Variants in CSTF2 observed in about 807,000 individuals in gnomAD.
The protein encoded by CSTF2 is CF-1 64 kDa subunit.
In CSTF2, 8 loss-of-function variants were observed where a neutral mutation model predicts 45.4. The observed-to-expected ratio is 0.18, with a 90% CI of 0.10 to 0.32. The LOEUF is 0.32. Ranked by LOEUF, CSTF2 falls within the 10% of genes least tolerant of loss-of-function variation. The probability of loss-of-function intolerance (pLI) is 1.00; values close to 1 mark genes in which losing one functional copy is unlikely to be tolerated. For missense variants in CSTF2, 253 were observed against 477.1 expected (o/e 0.53, Z 4.38); for synonymous variants, 155 against 158.9 (o/e 0.98, Z 0.18).
In CSTF2 at chrX:100,831,628, C is replaced by T. The variant is rs2084976084; in HGVS notation, c.1003C>T (p.Leu335Phe). The T allele has an allele frequency of 3.3e-6, 4 of 1,209,493 alleles. No homozygotes were observed. The South Asian group carries it at 5.3e-5, about 16-fold the overall frequency. ...APNDPRGGTL[L>F]SVTGEVEPRG... ...GAATGATCCACGGGGAGGCACTTTA[C>T]TTTCTGTAACTGGAGAGGTAGAGCC... The change falls in exon 9 of 14, where the codon CTT (leucine) becomes TTT (phenylalanine). Residue 335 changes from leucine (L) to phenylalanine (F), a missense_variant. By Grantham distance (22) the Leu-to-Phe change is conservative. This residue lies in a region of CSTF2 where 200 missense variants were observed against 294.0 expected (regional missense o/e 0.68). Transcript: ENST00000372972.
chrX:100,822,095 G>GAA (rs58313206), intron 2 of CSTF2, among the ~76,000 whole-genome samples, 156 bp from the exon 3 acceptor site: 1,923 of 91,318 alleles, frequency 0.021, 30 homozygotes, highest in South Asian at 0.074. Context: ...TCCATCTCAG[G>GAA]AAAAAAAAAA....
At position 100,833,075 on chromosome X, in the gene CSTF2, G is replaced by T. The variant is rs748376605; in HGVS notation, c.1208-105G>T. The T allele has an allele frequency of 1.3e-4, 129 of 1,006,341 alleles. No homozygotes were observed. In the African/African-American group the frequency reaches 2.3e-3, roughly 18 times the overall value. The allele number at this position is 1,006,341 out of a possible 1,213,427, so 82.9% of individuals were successfully genotyped here. On this transcript the variant is annotated intron_variant, in intron 10 of 13. Transcript: ENST00000372972. The stretch of plus-strand genomic sequence containing the variant: ...TAGTCTCATATGTTAATAGCTGAGG[G>T]GACAAATGTGACTAGAAGAGATTTC...
In CSTF2 at chrX:100,833,333, C is replaced by T; in HGVS notation, c.1361C>T (p.Ala454Val). The T allele has an allele frequency of 8.3e-7, 1 of 1,209,661 alleles. No homozygotes were observed. Among genetic ancestry groups the T allele is most frequent in the Non-Finnish European group, 1.1e-6 (1 of 894,790 alleles). Residue 454 changes from alanine (A) to valine (V), a missense_variant, in exon 11 of 14, where the codon GCA becomes GTA. Ala to Val is a moderately conservative substitution (Grantham distance 64, BLOSUM62 0). Around this residue, in one of 3 missense-constraint regions of CSTF2, gnomAD observed 200 missense variants for 294.0 expected, o/e 0.68. Coordinates refer to ENST00000372972, the MANE Select transcript of CSTF2 (RefSeq NM_001325.3). The part of the protein sequence containing the change: ...AMEARAMEAR[A>V]MEVRGMEARG... ...GAGGCCCGAGCGATGGAGGCCCGTG[C>T]AATGGAAGTCCGAGGGATGGAGGCC...
chrX:100,830,215 G>A (rs898340615), intron 8 of CSTF2, among the ~76,000 whole-genome samples: 12 of 112,021 alleles, frequency 1.1e-4, no homozygotes, highest in African/African-American at 3.2e-4. Context: ...GACTTGCTGT[G>A]GCAGAGTATT....
Position 100,823,876 on chromosome X carries a change from A to G in CSTF2, c.445-10A>G, listed in dbSNP as rs113777015. The stretch of plus-strand genomic sequence containing the variant: ...ATAAGTATTAAACCTGAATCTGCTT[A>G]TCTTCTCAGCTCTGTGTCCAGAATA... On this transcript the variant is annotated splice_polypyrimidine_tract_variant and intron_variant, in intron 4 of 13. Transcript: ENST00000372972. 1,278 of 1,207,115 alleles carry G rather than the reference A, an allele frequency of 1.1e-3. 11 individuals are homozygous for G. The African/African-American group carries it at 0.019, about 17-fold the overall frequency.
At chrX:100,821,393 T>C in intron 1 of CSTF2, 134 bp from the exon 2 acceptor site, 1 of 472,554 alleles carries the variant, frequency 2.1e-6, no homozygotes, top group Admixed American at 3.6e-5. Flanking sequence ...TGTTAAGAGG[T>C]CTGAAGAAAT....
At chrX:100,830,724 C>A (rs2084970436) in intron 8 of CSTF2, 1 of 719,822 alleles carries the variant, frequency 1.4e-6, no homozygotes, top group Non-Finnish European at 2.1e-6. Flanking sequence ...AAATCTCAAT[C>A]TCCATGTGTG....
chrX:100,838,416 G>GGTATATAC, intron 13 of CSTF2, 52 bp downstream of exon 13: 1 of 1,084,075 alleles, frequency 9.2e-7, no homozygotes, highest in East Asian at 3.2e-5. Flanking sequence ...GTCTATTCTG[G>GGTATATAC]GTATATACTT....
At chrX:100,828,662 T>G (rs2084957924) in intron 8 of CSTF2, among the ~76,000 whole-genome samples, 1 of 112,292 alleles carries the variant, frequency 8.9e-6, no homozygotes, top group South Asian at 3.7e-4. Flanking sequence ...TATACAACAG[T>G]AGCTGCTGCT....
intron 6 of CSTF2, 94 bp from the exon 7 acceptor site, chrX:100,826,540 G>A: frequency 1.2e-6 from 1 of 850,279 alleles, no homozygotes; most frequent in South Asian, 2.3e-5. Flanking sequence ...TGTATTTGGG[G>A]CTGTTCATTT....
Position 100,831,484 on chromosome X carries a change from A to C in CSTF2, c.890-31A>C, listed in dbSNP as rs1439663977. ...TCTTGTTTGCTTATGTGTCTTTCACAGCAGTAACTCCCCGTTTGTTTCCCT... is the reference window on the plus strand; with the variant it reads ...TCTTGTTTGCTTATGTGTCTTTCACCGCAGTAACTCCCCGTTTGTTTCCCT... On this transcript the variant is annotated intron_variant, in intron 8 of 13. Coordinates refer to ENST00000372972, the MANE Select transcript of CSTF2 (RefSeq NM_001325.3). 6 of 1,209,676 alleles carry C rather than the reference A, an allele frequency of 5.0e-6. No individual in the cohort carries two copies. In the South Asian group the frequency reaches 5.3e-5, roughly 11 times the overall value.
intron 6 of CSTF2, 140 bp from the exon 7 acceptor site, chrX:100,826,494 G>T: frequency 3.8e-6 from 2 of 521,261 alleles, no homozygotes; most frequent in Non-Finnish European, 6.3e-6. Context: ...ATCTAATGCT[G>T]CATAAGACAT....
intron 1 of CSTF2, 26 bp downstream of exon 1, chrX:100,820,500 C>T (rs1441046498): frequency 2.6e-5 from 31 of 1,195,163 alleles, no homozygotes; most frequent in Non-Finnish European, 3.3e-5. Context: ...TGTAGTCAAG[C>T]TTCGGGGAGG....
chrX:100,833,297 C>G lies in CSTF2; in HGVS notation c.1325C>G (p.Ala442Gly), dbSNP rs1337392000. ...GCAATGGAGGCCCGTGCGATGGAAG[C>G]TCGTGCAATGGAGGCCCGAGCGATG... Reference protein sequence around the residue: ...ARAMEARAMEARAMEARAMEA... With the variant: ...ARAMEARAMEGRAMEARAMEA... The change falls in exon 11 of 14, where the codon GCT becomes GGT. Residue 442 changes from alanine (A) to glycine (G), a missense_variant. Around this residue, in one of 3 missense-constraint regions of CSTF2, gnomAD observed 200 missense variants for 294.0 expected, o/e 0.68. Transcript: ENST00000372972. The G allele has an allele frequency of 2.5e-6, 3 of 1,210,209 alleles. No individual in the cohort carries two copies. The East Asian group carries it at 8.9e-5, about 36-fold the overall frequency.
Position 100,823,432 on chromosome X carries a change from G to A in CSTF2, c.444+4G>A. The A allele has an allele frequency of 8.3e-7, 1 of 1,210,791 alleles. No homozygotes were observed. The highest frequency in any genetic ancestry group is 1.1e-6 in the Non-Finnish European group (1 of 894,993). ...TGAGCTGATGAAACAAATGAAGGTG[G>A]GAGGAGGCATTAGGTTATGAATAAA... On this transcript the variant is annotated splice_donor_region_variant and intron_variant, in intron 4 of 13. Transcript: ENST00000372972.
intron 7 of CSTF2, among the ~76,000 whole-genome samples, chrX:100,827,611 G>A (rs2084952165): frequency 8.9e-6 from 1 of 112,126 alleles, no homozygotes; most frequent in Admixed American, 9.4e-5. Flanking sequence ...GATGAGGAAT[G>A]GAAGAAGAGA....
intron 13 of CSTF2, among the ~76,000 whole-genome samples, chrX:100,839,578 C>T (rs977434012): frequency 2.7e-5 from 3 of 111,485 alleles, no homozygotes; most frequent in Non-Finnish European, 5.6e-5. Context: ...TGTCTTTAAA[C>T]ATTTAAACTG....
chrX:100,825,486 T>A (rs1602366600), intron 6 of CSTF2, among the ~76,000 whole-genome samples: 1 of 111,813 alleles, frequency 8.9e-6, no homozygotes, highest in East Asian at 2.8e-4. Context: ...ATATGTAATG[T>A]TATAAGATAA....
rs2084917569 is a variant in CSTF2, at chrX:100,821,507, T to C, written c.59-20T>C. 9.1e-7 allele frequency: 1 copy of C among 1,096,254 alleles called. No homozygotes were observed. The highest frequency in any genetic ancestry group is 2.2e-5 in the Admixed American group (1 of 45,244). The allele number at this position is 1,096,254 out of a possible 1,213,427, so 90.3% of individuals were successfully genotyped here. ...ATGTTATAAACTCAGAATTTTAATGTTACCTATTTTCTTCCTTAGTGGGGA... is the reference window on the plus strand; with the variant it reads ...ATGTTATAAACTCAGAATTTTAATGCTACCTATTTTCTTCCTTAGTGGGGA... On this transcript the variant is annotated intron_variant, in intron 1 of 13. Coordinates refer to ENST00000372972, the MANE Select transcript of CSTF2 (RefSeq NM_001325.3).
Sources: gnomAD v4.1 joint callset for allele counts (sites outside exome capture counted in the v4.1 genomes callset) on GRCh38, gnomAD v4.1.1 for gene constraint, gnomAD v4.1.1 regional missense constraint, MANE v1.5 for transcripts, NCBI Gene and HGNC (gene_info 2026-07-23, HGNC 2026-07-21) for gene names.